The following MTREX variants were observed in gnomAD, a reference collection of about 807,000 sequenced individuals.
MTREX encodes the protein Mtr4 exosome RNA helicase.
In MTREX, 76 loss-of-function variants were observed where a neutral mutation model predicts 135.4. That is an observed-to-expected ratio of 0.56 (90% CI 0.47 to 0.68). The LOEUF is 0.68. Ranked by LOEUF, MTREX falls within the 30% of genes least tolerant of loss-of-function variation. The pLI is 0.00. For missense variants in MTREX, 920 were observed against 1,262.1 expected (o/e 0.73, Z 4.11); for synonymous variants, 404 against 401.6 (o/e 1.01, Z -0.07).
rs756223860 is a variant in MTREX at position 55,328,735 on chromosome 5, G to A, written c.439G>A (p.Ala147Thr). 2 of 1,613,276 alleles carry A rather than the reference G, an allele frequency of 1.2e-6. No individual in the cohort carries two copies. The highest frequency in any genetic ancestry group is 8.5e-7 in the Non-Finnish European group (1 of 1,179,434). Residue 147 changes from alanine (A) to threonine (T), a missense_variant, in exon 5 of 27, where the codon GCC (alanine) becomes ACC (threonine). Physicochemically the swap from Ala to Thr is moderately conservative, Grantham distance 58. Transcript: ENST00000230640. ...CATTCTTGATGCTTTTCAAAGAGAG[G>A]CCATTCAGTGTGTTGACAATAATCA... is the stretch of plus-strand genomic sequence containing the variant. ...PFILDAFQREAIQCVDNNQSV... is the reference protein window; with the variant it reads ...PFILDAFQRETIQCVDNNQSV...
intron 14 of MTREX, among the ~76,000 whole-genome samples, chr5:55,355,460 GA>G (rs1749896155): frequency 6.6e-6 from 1 of 152,216 alleles, no homozygotes; most frequent in Non-Finnish European, 1.5e-5. Context: ...GCACCTGGGG[GA>G]TGGAATGGAC....
chr5:55,367,173 A>G (rs1452316501), intron 16 of MTREX, among the ~76,000 whole-genome samples: 1 of 152,188 alleles, frequency 6.6e-6, no homozygotes, highest in Non-Finnish European at 1.5e-5. Flanking sequence ...AAAGCCTAGT[A>G]TATTAAAACT....
intron 8 of MTREX, 96 bp from the exon 9 acceptor site, chr5:55,344,426 A>T: frequency 2.6e-6 from 2 of 772,182 alleles, no homozygotes; most frequent in South Asian, 1.6e-5. Context: ...TGTTGAATTC[A>T]TTACTTGATT....
chr5:55,392,412 G>A (rs1416072663), intron 19 of MTREX, among the ~76,000 whole-genome samples: 1 of 152,020 alleles, frequency 6.6e-6, no homozygotes, highest in African/African-American at 2.4e-5. Context: ...GCATGATGGT[G>A]TGCGCTGGTA....
At chr5:55,317,653 A>G (rs906670812) in intron 1 of MTREX, among the ~76,000 whole-genome samples, 3 of 152,184 alleles carry the variant, frequency 2.0e-5, no homozygotes, top group African/African-American at 7.2e-5. Context: ...AGACAAATGT[A>G]AAACCCAAAA....
At position 55,378,459 on chromosome 5, in the gene MTREX, T is replaced by G. The variant is rs762404717; in HGVS notation, c.1956T>G (p.Pro652=). The G allele has an allele frequency of 9.9e-6, 16 of 1,609,060 alleles. No homozygotes were observed. In the East Asian group the frequency reaches 3.4e-4, roughly 34 times the overall value. Residue 652 remains proline, a synonymous_variant, in exon 17 of 27, where the codon CCT becomes CCG. Transcript: ENST00000230640. ...TTCACAAACCAAAATACTGCTTACC[T>G]TTTCTACAACCAGGTCGTTTGGTAA... ...EYIHKPKYCL[P]FLQPGRLVKV... is the part of the protein sequence containing the mutation.
At chr5:55,321,345 T>C (rs1749287155) in intron 1 of MTREX, among the ~76,000 whole-genome samples, 1 of 152,178 alleles carries the variant, frequency 6.6e-6, no homozygotes, top group Non-Finnish European at 1.5e-5. Context: ...TTGAATATCC[T>C]CTTTTCTAAA....
rs1220226177 is a variant in MTREX at position 55,329,955 on chromosome 5, A to G, written c.515+1144A>G. On this transcript the variant is annotated intron_variant, in intron 5 of 26. Coordinates refer to ENST00000230640, the MANE Select transcript of MTREX (RefSeq NM_015360.5). ...AGTTGTCTCACAACTCACTGATACT[A>G]TATTCATTTTTTTTCTTTTGAGTTT... Among the ~76,000 whole-genome samples, 34 of 151,750 alleles carry G rather than the reference A, an allele frequency of 2.2e-4. No homozygotes were observed. In the East Asian group the frequency reaches 5.6e-3, roughly 25 times the overall value.
At chr5:55,345,401 C>A (rs1182204347) in intron 10 of MTREX, among the ~76,000 whole-genome samples, 1 of 151,996 alleles carries the variant, frequency 6.6e-6, no homozygotes, top group Non-Finnish European at 1.5e-5. Flanking sequence ...GTATACAATT[C>A]AGTAGTCTTT....
intron 23 of MTREX, among the ~76,000 whole-genome samples, chr5:55,411,130 A>G (rs889896238): frequency 1.1e-4 from 16 of 152,196 alleles, no homozygotes; most frequent in Admixed American, 1.0e-3. Flanking sequence ...TTTTTTTCAT[A>G]TGAGTAATTA....
intron 18 of MTREX, among the ~76,000 whole-genome samples, chr5:55,382,284 T>G (rs1750407603): frequency 6.6e-6 from 1 of 152,140 alleles, no homozygotes; most frequent in Admixed American, 6.5e-5. Context: ...GGCATTTTAA[T>G]TTTTTAAAGA....
intron 5 of MTREX, among the ~76,000 whole-genome samples, chr5:55,333,111 G>A (rs1309578708): frequency 6.6e-6 from 1 of 151,796 alleles, no homozygotes. Flanking sequence ...GGGCTTATCT[G>A]GTCACTGTAT....
At chr5:55,323,043 T>C (rs974392953) in intron 2 of MTREX, among the ~76,000 whole-genome samples, 4 of 152,218 alleles carry the variant, frequency 2.6e-5, no homozygotes, top group African/African-American at 9.6e-5. Flanking sequence ...TAATGTTCCA[T>C]ATTTGAACTT....
intron 21 of MTREX, among the ~76,000 whole-genome samples, chr5:55,400,765 A>T (rs974868127): frequency 1.3e-5 from 2 of 152,220 alleles, no homozygotes; most frequent in Non-Finnish European, 2.9e-5. Context: ...ATGTAACTTC[A>T]GAACATTCTT....
intron 18 of MTREX, among the ~76,000 whole-genome samples, chr5:55,384,414 G>A (rs77364280): frequency 1.3e-5 from 2 of 152,058 alleles, no homozygotes; most frequent in East Asian, 1.9e-4. Flanking sequence ...CATTGTTATT[G>A]TACCTTTTAC....
chr5:55,320,368 C>G (rs940773607), intron 1 of MTREX, among the ~76,000 whole-genome samples: 11 of 152,056 alleles, frequency 7.2e-5, no homozygotes, highest in Admixed American at 1.3e-4. Context: ...GTGCTCACCA[C>G]CACACCCGGC....
At chr5:55,327,264 A>T (rs905014516) in intron 3 of MTREX, among the ~76,000 whole-genome samples, 4 of 152,174 alleles carry the variant, frequency 2.6e-5, no homozygotes, top group African/African-American at 9.7e-5. Context: ...TCCTTGAGGA[A>T]TCGCCACACT....
rs2111643621 is a variant in MTREX at position 55,425,120 on chromosome 5, C to T, written c.*348C>T. ...CAGAAGTCTTTAAAGGCTTGTACACCAGGAAGAAAGATGCATCCTCTTGCC... is the reference window on the plus strand; with the variant it reads ...CAGAAGTCTTTAAAGGCTTGTACACTAGGAAGAAAGATGCATCCTCTTGCC... On this transcript the variant is annotated 3_prime_UTR_variant, in exon 27 of 27. Transcript: ENST00000230640. 1 of 1,490,798 alleles carries T rather than the reference C, an allele frequency of 6.7e-7. No homozygotes were observed. The highest frequency in any genetic ancestry group is 9.0e-7 in the Non-Finnish European group (1 of 1,105,152). The allele number at this position is 1,490,798 out of a possible 1,614,324, so 92.3% of individuals were successfully genotyped here.
rs1369103042 is a variant in MTREX at position 55,379,110 on chromosome 5, C to T, written c.1984-17C>T. 2.5e-6 allele frequency: 4 copies of T among 1,592,564 alleles called. No homozygotes were observed. In the East Asian group the frequency reaches 6.7e-5, roughly 27 times the overall value. Reference sequence around the variant, plus strand: ...TATACATTTGATTCTTGCTTACTTGCTTTTCTTTCTTTTTAGGTAAAGAAT... The same window carrying T: ...TATACATTTGATTCTTGCTTACTTGTTTTTCTTTCTTTTTAGGTAAAGAAT... On this transcript the variant is annotated splice_polypyrimidine_tract_variant and intron_variant, in intron 17 of 26. Transcript: ENST00000230640.
Sources: allele counts gnomAD v4.1 joint callset (sites outside exome capture counted in the v4.1 genomes callset), GRCh38; gene constraint gnomAD v4.1.1; transcripts MANE v1.5; gene names NCBI Gene and HGNC (gene_info 2026-07-23, HGNC 2026-07-21).